Variants in POU2F1 observed in about 807,000 individuals in gnomAD.
The protein encoded by POU2F1 is POU class 2 homeobox 1, also known as POU domain, class 2, transcription factor 1.
In POU2F1, 16 loss-of-function variants were observed where a neutral mutation model predicts 84.9. That is an observed-to-expected ratio of 0.19 (90% CI 0.13 to 0.29). The LOEUF (loss-of-function observed/expected upper bound fraction) is 0.29. Among genes scored for constraint, POU2F1 ranks in the 10% least tolerant of loss-of-function variants. The pLI is 1.00. For missense variants in POU2F1, 738 were observed against 942.6 expected (o/e 0.78, Z 2.84); for synonymous variants, 368 against 368.3 (o/e 1.00, Z 0.01).
intron 2 of POU2F1, among the ~76,000 whole-genome samples, chr1:167,344,755 G>C (rs942073084): frequency 5.9e-5 from 9 of 152,182 alleles, no homozygotes; most frequent in African/African-American, 2.2e-4. Flanking sequence ...GAGGATGATA[G>C]AGAAGGAAAG....
intron 1 of POU2F1, among the ~76,000 whole-genome samples, chr1:167,305,577 A>T (rs1329271873): frequency 1.3e-5 from 2 of 152,116 alleles, no homozygotes; most frequent in African/African-American, 4.8e-5. Context: ...TGGAGATCTT[A>T]TAGCGAATAA....
intron 1 of POU2F1, among the ~76,000 whole-genome samples, chr1:167,280,035 G>A (rs897500107): frequency 2.0e-5 from 3 of 151,880 alleles, no homozygotes; most frequent in Admixed American, 6.6e-5. Flanking sequence ...GTGAAACCCC[G>A]TTTTTACTGA....
chr1:167,238,367 G>T (rs1649657998), intron 1 of POU2F1, among the ~76,000 whole-genome samples: 1 of 152,040 alleles, frequency 6.6e-6, no homozygotes, highest in African/African-American at 2.4e-5. Context: ...GGAAAACTTG[G>T]TCAATTTATG....
chr1:167,410,963 C>A (rs1649919698), intron 13 of POU2F1, among the ~76,000 whole-genome samples: 1 of 151,982 alleles, frequency 6.6e-6, no homozygotes, highest in Non-Finnish European at 1.5e-5. Flanking sequence ...GTCAGTTAGT[C>A]ATTTATATCC....
chr1:167,221,440 G>A (rs868028713), intron 1 of POU2F1, among the ~76,000 whole-genome samples: 1 of 149,544 alleles, frequency 6.7e-6, no homozygotes, highest in African/African-American at 2.4e-5. Flanking sequence ...GGCGCGGGGT[G>A]GGGGGCGTGA....
At chr1:167,327,256 G>A (rs916163762) in intron 1 of POU2F1, among the ~76,000 whole-genome samples, 1 of 152,192 alleles carries the variant, frequency 6.6e-6, no homozygotes, top group Non-Finnish European at 1.5e-5. Flanking sequence ...TGTCTGAGAA[G>A]CATGAAAGCA....
At chr1:167,353,462 A>G (rs1038172929) in intron 2 of POU2F1, among the ~76,000 whole-genome samples, 1 of 149,602 alleles carries the variant, frequency 6.7e-6, no homozygotes. Context: ...TTCAACCGCT[A>G]TTGTTCTTAC....
In POU2F1 at chr1:167,254,854, T is replaced by C. The variant is rs187749520; in HGVS notation, c.61+33896T>C. ...ATTAGGTGATTTTTGTTGACTATCA[T>C]TAATAGCAATATGTAAGACTTACTA... On this transcript the variant is annotated intron_variant, in intron 1 of 15. Transcript: ENST00000367866. Among the ~76,000 whole-genome samples the C allele has an allele frequency of 1.6e-4, 25 of 152,362 alleles. No homozygotes were observed. The East Asian group carries it at 4.8e-3, about 29-fold the overall frequency.
chr1:167,282,215 T>C (rs1653198124), intron 1 of POU2F1, among the ~76,000 whole-genome samples: 1 of 151,752 alleles, frequency 6.6e-6, no homozygotes, highest in African/African-American at 2.4e-5. Flanking sequence ...CGATCCCGGC[T>C]CACTGCAAGC....
chr1:167,265,040 A>T (rs1651844620), intron 1 of POU2F1, among the ~76,000 whole-genome samples: 1 of 152,112 alleles, frequency 6.6e-6, no homozygotes, highest in South Asian at 2.1e-4. Context: ...GTCCTTCCCT[A>T]CTTTATTTTT....
chr1:167,282,702 C>G (rs1221368741), intron 1 of POU2F1, among the ~76,000 whole-genome samples: 2 of 152,162 alleles, frequency 1.3e-5, no homozygotes, highest in Non-Finnish European at 2.9e-5. Context: ...TTTCCACCCT[C>G]ATAATACTGC....
chr1:167,265,453 T>C (rs917355958), intron 1 of POU2F1, among the ~76,000 whole-genome samples: 1 of 152,236 alleles, frequency 6.6e-6, no homozygotes, highest in Non-Finnish European at 1.5e-5. Flanking sequence ...GAGTCATTGA[T>C]TTAGCCTGTG....
chr1:167,299,943 G>A (rs1654562107), intron 1 of POU2F1, among the ~76,000 whole-genome samples: 1 of 152,138 alleles, frequency 6.6e-6, no homozygotes, highest in African/African-American at 2.4e-5. Flanking sequence ...GTGATGCTAT[G>A]ATACTGATCC....
Position 167,329,363 on chromosome 1 carries a change from G to A in POU2F1, c.62-3107G>A, listed in dbSNP as rs992552519. On this transcript the variant is annotated intron_variant, in intron 1 of 15. Transcript: ENST00000367866. ...CTTTAATATGGAAATAGAGTGTGTC[G>A]GGTTGACTATGCATAAATGCTTAAT... 14 of 1,524,490 alleles carry A rather than the reference G, an allele frequency of 9.2e-6. No individual in the cohort carries two copies. In the Admixed American group the frequency reaches 9.9e-5, roughly 11 times the overall value. 94.4% of individuals were successfully genotyped at this position (1,524,490 alleles called of 1,614,324 possible).
intron 1 of POU2F1, among the ~76,000 whole-genome samples, chr1:167,268,850 A>C (rs76339212): frequency 6.6e-6 from 1 of 152,176 alleles, no homozygotes; most frequent in African/African-American, 2.4e-5. Flanking sequence ...AAAGATCCAG[A>C]GATTTTACTG....
At chr1:167,385,558 T>TG (rs777254310) in intron 8 of POU2F1, among the ~76,000 whole-genome samples, 27 of 150,492 alleles carry the variant, frequency 1.8e-4, no homozygotes, top group Non-Finnish European at 3.3e-4. Flanking sequence ...AGGATTTCAA[T>TG]GGGAAAAAAA....
At chr1:167,317,171 G>A (rs1417291731) in intron 1 of POU2F1, among the ~76,000 whole-genome samples, 1 of 152,156 alleles carries the variant, frequency 6.6e-6, no homozygotes, top group Admixed American at 6.5e-5. Flanking sequence ...GGGATTAGAG[G>A]CATGAGCCAC....
intron 1 of POU2F1, among the ~76,000 whole-genome samples, chr1:167,242,676 G>A (rs1164575401): frequency 1.3e-5 from 2 of 152,160 alleles, no homozygotes; most frequent in Non-Finnish European, 1.5e-5. Context: ...AGCTTAACCT[G>A]TTTATATGGG....
chr1:167,348,949 A>G (rs1224299379), intron 2 of POU2F1, among the ~76,000 whole-genome samples: 2 of 151,916 alleles, frequency 1.3e-5, no homozygotes, highest in Non-Finnish European at 2.9e-5. Context: ...TTTCATAGAT[A>G]TCTTATTTTT....
Sources: gnomAD v4.1 joint callset for allele counts (sites outside exome capture counted in the v4.1 genomes callset) on GRCh38, gnomAD v4.1.1 for gene constraint, MANE v1.5 for transcripts, NCBI Gene and HGNC (gene_info 2026-07-23, HGNC 2026-07-21) for gene names.